Variants in BMPER observed in about 807,000 individuals in gnomAD.
The protein encoded by BMPER is BMP binding endothelial regulator, also known as BMP-binding endothelial regulator protein.
In BMPER, 45 loss-of-function variants were observed where a neutral mutation model predicts 87.3. The ratio of observed to expected loss-of-function variants is 0.52; its 90% CI spans 0.41 to 0.66. BMPER has a LOEUF of 0.66. BMPER is among the 30% of genes least tolerant of loss of function. The pLI, the probability that BMPER is intolerant of heterozygous loss-of-function variation, is 0.00. For synonymous variants in BMPER, 326 were observed against 316.2 expected (o/e 1.03, Z -0.33); for missense variants, 784 against 867.5 (o/e 0.90, Z 1.21).
intron 6 of BMPER, among the ~76,000 whole-genome samples, chr7:33,979,475 G>A (rs1369276162): frequency 6.6e-6 from 1 of 151,738 alleles, no homozygotes; most frequent in African/African-American, 2.4e-5. Flanking sequence ...CCTCCTCTGT[G>A]CTTAGCACCA....
intron 7 of BMPER, 43 bp from the exon 8 acceptor site, chr7:34,051,818 C>T: frequency 1.3e-6 from 2 of 1,504,202 alleles, no homozygotes; most frequent in East Asian, 2.3e-5. Context: ...ATGGGACATC[C>T]CCGATTCTGT....
intron 6 of BMPER, among the ~76,000 whole-genome samples, chr7:33,979,804 G>A (rs1425593796): frequency 6.6e-6 from 1 of 152,188 alleles, no homozygotes; most frequent in Non-Finnish European, 1.5e-5. Context: ...ACGCCATGTG[G>A]CTTGTATTTG....
intron 2 of BMPER, among the ~76,000 whole-genome samples, chr7:33,912,255 G>T (rs1274615529): frequency 6.6e-6 from 1 of 152,176 alleles, no homozygotes; most frequent in Non-Finnish European, 1.5e-5. Context: ...GGATTGGGTT[G>T]GGACTCGGGA....
chr7:34,086,650 CAGT>C (rs1370580213), intron 13 of BMPER, among the ~76,000 whole-genome samples: 1 of 152,190 alleles, frequency 6.6e-6, no homozygotes, highest in Non-Finnish European at 1.5e-5. Flanking sequence ...AGTCAGATGA[CAGT>C]AGAAACAGGG....
At chr7:34,070,803 T>C (rs1253688744) in intron 11 of BMPER, among the ~76,000 whole-genome samples, 1 of 150,328 alleles carries the variant, frequency 6.7e-6, no homozygotes, top group Non-Finnish European at 1.5e-5. Flanking sequence ...CCAAACTAAT[T>C]TGAGCGGCAG....
chr7:34,092,118 A>G (rs1451376431), intron 13 of BMPER, among the ~76,000 whole-genome samples: 2 of 152,172 alleles, frequency 1.3e-5, no homozygotes, highest in Non-Finnish European at 1.5e-5. Flanking sequence ...CCCATGCACA[A>G]TTAGACACTT....
chr7:34,036,476 C>G (rs1029470919), intron 6 of BMPER, among the ~76,000 whole-genome samples: 1 of 152,108 alleles, frequency 6.6e-6, no homozygotes, highest in Non-Finnish European at 1.5e-5. Flanking sequence ...TGTCAGGGCC[C>G]TTATCAGCAG....
intron 2 of BMPER, among the ~76,000 whole-genome samples, chr7:33,925,827 C>T (rs1245301229): frequency 6.6e-6 from 1 of 152,180 alleles, no homozygotes; most frequent in African/African-American, 2.4e-5. Flanking sequence ...AAAACGCTGA[C>T]AGATGTAGGT....
intron 6 of BMPER, among the ~76,000 whole-genome samples, chr7:34,023,305 T>C (rs1022020804): frequency 6.6e-6 from 1 of 152,088 alleles, no homozygotes; most frequent in Non-Finnish European, 1.5e-5. Context: ...AACCCTGGAC[T>C]GTGAAAGAAA....
intron 2 of BMPER, among the ~76,000 whole-genome samples, chr7:33,932,144 A>ATC: frequency 6.6e-6 from 1 of 152,310 alleles, no homozygotes; most frequent in South Asian, 2.1e-4. Context: ...AGGCTGGGGC[A>ATC]TCTATCCCAG....
chr7:33,925,375 G>A (rs1158670243), intron 2 of BMPER, among the ~76,000 whole-genome samples: 1 of 151,962 alleles, frequency 6.6e-6, no homozygotes, highest in African/African-American at 2.4e-5. Flanking sequence ...TTTGATGGTG[G>A]GAAAACTAAA....
chr7:33,956,720 C>T (rs558889948), intron 3 of BMPER, among the ~76,000 whole-genome samples: 1 of 152,252 alleles, frequency 6.6e-6, no homozygotes, highest in East Asian at 1.9e-4. Flanking sequence ...GTTTTCTCTT[C>T]CTTATGACTT....
chr7:33,905,766 G>A lies in BMPER; in HGVS notation c.133+20G>A, dbSNP rs780870922. 1.3e-6 allele frequency: 2 copies of A among 1,534,722 alleles called. No homozygotes were observed. Among genetic ancestry groups the A allele is most frequent in the South Asian group, 1.1e-5 (1 of 90,192 alleles). ...TGACAGGTAGGGGAGGGGGCGGGAG[G>A]GACCGGCCCTCCGGGACGCCGGTTT... On this transcript the variant is annotated intron_variant, in intron 1 of 14. Coordinates refer to ENST00000649409, the MANE Select transcript of BMPER (RefSeq NM_001365308.1).
At chr7:33,912,628 A>C (rs770532306) in intron 2 of BMPER, among the ~76,000 whole-genome samples, 3 of 152,182 alleles carry the variant, frequency 2.0e-5, no homozygotes, top group Non-Finnish European at 4.4e-5. Context: ...TTGTTGGGTA[A>C]ATAAAGGATA....
At chr7:34,124,928 T>C in intron 13 of BMPER, among the ~76,000 whole-genome samples, 1 of 152,122 alleles carries the variant, frequency 6.6e-6, no homozygotes, top group Admixed American at 6.5e-5. Flanking sequence ...TACATAGCAG[T>C]TCTTTCATCT....
intron 13 of BMPER, among the ~76,000 whole-genome samples, chr7:34,131,098 A>C (rs1790572607): frequency 6.6e-6 from 1 of 151,958 alleles, no homozygotes; most frequent in Non-Finnish European, 1.5e-5. Context: ...ATTCTAGCAG[A>C]GGGTGTGGGG....
At chr7:33,916,978 C>CT (rs1353868900) in intron 2 of BMPER, among the ~76,000 whole-genome samples, 4 of 152,056 alleles carry the variant, frequency 2.6e-5, no homozygotes, top group East Asian at 3.9e-4. Flanking sequence ...TAAACACTGT[C>CT]TTTTTTTTGA....
chr7:33,997,365 T>C (rs1022293249), intron 6 of BMPER, among the ~76,000 whole-genome samples: 2 of 152,140 alleles, frequency 1.3e-5, no homozygotes, highest in African/African-American at 4.8e-5. Context: ...GTAATCCCCA[T>C]GTGTTGAGGG....
intron 3 of BMPER, among the ~76,000 whole-genome samples, chr7:33,939,325 C>T (rs1784689893): frequency 6.6e-6 from 1 of 152,130 alleles, no homozygotes; most frequent in African/African-American, 2.4e-5. Context: ...AAGACAAACA[C>T]ATTTCCTGAA....
Sources: allele counts gnomAD v4.1 joint callset (sites outside exome capture counted in the v4.1 genomes callset), GRCh38; gene constraint gnomAD v4.1.1; transcripts MANE v1.5; gene names NCBI Gene and HGNC (gene_info 2026-07-23, HGNC 2026-07-21).